The following BCKDHB variants were observed in gnomAD, a reference collection of about 807,000 sequenced individuals.
The protein encoded by BCKDHB is branched chain keto acid dehydrogenase E1 subunit beta.
Under a neutral mutation model 48.5 loss-of-function variants are expected in BCKDHB, and 41 were observed. That is an observed-to-expected ratio of 0.85 (90% CI 0.66 to 1.10). The LOEUF (loss-of-function observed/expected upper bound fraction) is 1.10, where lower values mean the gene tolerates loss of function less well. Ranked by LOEUF, BCKDHB falls within the 50% of genes least tolerant of loss-of-function variation. The pLI is 0.00. For synonymous variants in BCKDHB, 201 were observed against 174.8 expected, an observed-to-expected ratio of 1.15 and a Z score of -1.18; for missense variants, 496 against 494.2, an observed-to-expected ratio of 1.00 and a Z score of -0.03.
chr6:80,224,113 C>A (rs983134447), intron 8 of BCKDHB, among the ~76,000 whole-genome samples: 1 of 152,030 alleles, frequency 6.6e-6, no homozygotes, highest in African/African-American at 2.4e-5. Flanking sequence ...CCAGATTTTC[C>A]ACTGGCTAAG....
chr6:80,402,686 A>T, the BCKDHB span, among the ~76,000 whole-genome samples: 2 of 151,742 alleles, frequency 1.3e-5, no homozygotes, highest in Non-Finnish European at 3.0e-5. Flanking sequence ...ATTGCTAGGA[A>T]TGTCAAGGAG....
chr6:80,249,687 G>A (rs991915719), intron 8 of BCKDHB, among the ~76,000 whole-genome samples: 6 of 152,036 alleles, frequency 3.9e-5, no homozygotes, highest in Non-Finnish European at 7.4e-5. Context: ...GTCCAAGTGC[G>A]GTGAACATGA....
downstream of BCKDHB, among the ~76,000 whole-genome samples, chr6:80,348,206 G>A (rs1770293751): frequency 7.0e-6 from 1 of 143,484 alleles, no homozygotes; most frequent in South Asian, 2.4e-4. Flanking sequence ...TAAAAGTTCT[G>A]TGTATATTTA....
rs138369202 is a variant in BCKDHB, at chr6:80,129,211, G to A, written c.325G>A (p.Gly109Ser). ...AFGGVFRCTV[G>S]LRDKYGKDRV... is the part of the protein sequence containing the mutation. ...TGGTGGAGTCTTTAGATGCACTGTTGGCTTGCGAGACAAATATGGTAAGTA... is the reference window on the plus strand; with the variant it reads ...TGGTGGAGTCTTTAGATGCACTGTTAGCTTGCGAGACAAATATGGTAAGTA... Residue 109 changes from glycine to serine, a missense_variant, in exon 3 of 10, where the codon GGC becomes AGC. By Grantham distance (56) the Gly-to-Ser change is moderately conservative. Coordinates refer to ENST00000320393, the MANE Select transcript of BCKDHB (RefSeq NM_183050.4). 3.7e-6 allele frequency: 6 copies of A among 1,611,022 alleles called. No individual in the cohort carries two copies. In the African/African-American group the frequency reaches 5.3e-5, roughly 14 times the overall value.
chr6:80,440,582 A>G, the BCKDHB span: 2 of 151,950 alleles, frequency 1.3e-5, no homozygotes. Context: ...TTTGTTAACT[A>G]AAGATGTAAT....
At chr6:80,206,186 C>T (rs1467297161) in intron 8 of BCKDHB, among the ~76,000 whole-genome samples, 1 of 152,036 alleles carries the variant, frequency 6.6e-6, no homozygotes, top group African/African-American at 2.4e-5. Context: ...TTAGGTCTTA[C>T]AATTAGAGGC....
intron 9 of BCKDHB, among the ~76,000 whole-genome samples, chr6:80,303,620 TTAAAAA>T (rs959915751): frequency 2.6e-5 from 4 of 152,048 alleles, no homozygotes; most frequent in African/African-American, 9.7e-5. Flanking sequence ...CCGTGTGAAA[TTAAAAA>T]TAGATAAGTA....
At chr6:80,159,538 T>C (rs1340355827) in intron 3 of BCKDHB, among the ~76,000 whole-genome samples, 1 of 152,188 alleles carries the variant, frequency 6.6e-6, no homozygotes, top group Non-Finnish European at 1.5e-5. Flanking sequence ...GAATGTTCTG[T>C]TTTCCATTTT....
chr6:80,333,443 T>A (rs1541209), intron 9 of BCKDHB, among the ~76,000 whole-genome samples: 118,023 of 152,126 alleles, frequency 0.78, 46,165 homozygotes, highest in Admixed American at 0.84. Flanking sequence ...TTGTTCTTTG[T>A]ACACATGCAC....
chr6:80,441,447 A>T, the BCKDHB span, among the ~76,000 whole-genome samples: 13 of 152,220 alleles, frequency 8.5e-5, no homozygotes, highest in Admixed American at 7.9e-4. Flanking sequence ...CCTGCCACTT[A>T]TAAAGGTCTT....
At chr6:80,438,030 T>G in the BCKDHB span, among the ~76,000 whole-genome samples, 2 of 152,196 alleles carry the variant, frequency 1.3e-5, no homozygotes, top group Non-Finnish European at 2.9e-5. Flanking sequence ...ACGCACTGGA[T>G]AATAGAAAGG....
At chr6:80,253,992 TATG>T (rs1286970528) in intron 8 of BCKDHB, among the ~76,000 whole-genome samples, 1 of 151,892 alleles carries the variant, frequency 6.6e-6, no homozygotes, top group African/African-American at 2.4e-5. Context: ...CTGAAATAAT[TATG>T]ATCATTACTT....
the BCKDHB span, among the ~76,000 whole-genome samples, chr6:80,412,210 C>T: frequency 9.7e-4 from 143 of 147,464 alleles, 1 homozygote; most frequent in African/African-American, 3.4e-3. Flanking sequence ...ATGGCACAAT[C>T]TCAGCTCACT....
At position 80,203,148 on chromosome 6, in the gene BCKDHB, G is replaced by C; in HGVS notation, c.887G>C (p.Gly296Ala). 1 of 1,613,046 alleles carries C rather than the reference G, an allele frequency of 6.2e-7. No homozygotes were observed. Among genetic ancestry groups the C allele is most frequent in the Non-Finnish European group, 8.5e-7 (1 of 1,179,286 alleles). ...EVASMAKEKL[G>A]VSCEVIDLRT... Reference sequence around the variant, plus strand: ...GCTTCCATGGCAAAAGAAAAGCTTGGAGTGTCTTGTGAAGTCATTGATCTG... The same window carrying C: ...GCTTCCATGGCAAAAGAAAAGCTTGCAGTGTCTTGTGAAGTCATTGATCTG... Residue 296 changes from glycine to alanine, a missense_variant, in exon 8 of 10, where the codon GGA (glycine) becomes GCA (alanine). Gly to Ala is a moderately conservative substitution (Grantham distance 60, BLOSUM62 0). Transcript: ENST00000320393.
chr6:80,421,328 C>T, the BCKDHB span, among the ~76,000 whole-genome samples: 1 of 152,128 alleles, frequency 6.6e-6, no homozygotes, highest in Non-Finnish European at 1.5e-5. Context: ...ATTAATTAAA[C>T]CTCTTTTGTT....
At chr6:80,293,430 C>T (rs1436210144) in intron 9 of BCKDHB, among the ~76,000 whole-genome samples, 1 of 152,198 alleles carries the variant, frequency 6.6e-6, no homozygotes, top group Non-Finnish European at 1.5e-5. Flanking sequence ...CCCTTTTAGC[C>T]ACAGCTGGAG....
At chr6:80,229,545 TC>T (rs1210698148) in intron 8 of BCKDHB, among the ~76,000 whole-genome samples, 1 of 152,174 alleles carries the variant, frequency 6.6e-6, no homozygotes, top group Non-Finnish European at 1.5e-5. Context: ...GGATGTCCAT[TC>T]TTATCATTAG....
Position 80,168,883 on chromosome 6 carries a change from T to C in BCKDHB, c.486T>C (p.Asn162=), listed in dbSNP as rs1562104152. ...TTCTTTCTGACCCTCAGATTGTTAATGAAGCTGCCAAGTATCGCTATCGCT... is the reference window on the plus strand; with the variant it reads ...TTCTTTCTGACCCTCAGATTGTTAACGAAGCTGCCAAGTATCGCTATCGCT... ...YIFPAFDQIV[N]EAAKYRYRSG... Residue 162 remains asparagine (N), a synonymous_variant, in exon 5 of 10, where the codon AAT becomes AAC. Transcript: ENST00000320393. 1.2e-6 allele frequency: 2 copies of C among 1,614,004 alleles called. No individual in the cohort carries two copies. Among genetic ancestry groups the C allele is most frequent in the Non-Finnish European group, 1.7e-6 (2 of 1,180,016 alleles).
rs1397945740 is a variant in BCKDHB at position 80,169,008 on chromosome 6, T to C, written c.611T>C (p.Phe204Ser). Residue 204 changes from phenylalanine to serine, a missense_variant, in exon 5 of 10, where the codon TTT becomes TCT. Phe to Ser is a radical substitution (Grantham distance 155, BLOSUM62 -2). Transcript: ENST00000320393. ...CATTCTCAGAGTCCTGAAGCATTTT[T>C]TGCCCATTGCCCAGGAATCAAGGTA... Reference protein sequence around the residue: ...LYHSQSPEAFFAHCPGIKVVI... With the variant: ...LYHSQSPEAFSAHCPGIKVVI... 6.2e-7 allele frequency: 1 copy of C among 1,614,160 alleles called. No individual in the cohort carries two copies.
Sources: gnomAD v4.1 joint callset for allele counts (sites outside exome capture counted in the v4.1 genomes callset) on GRCh38, gnomAD v4.1.1 for gene constraint, MANE v1.5 for transcripts, NCBI Gene and HGNC (gene_info 2026-07-23, HGNC 2026-07-21) for gene names.